MTSS1: variants seen among roughly 807,000 people sequenced by gnomAD.
MTSS1 encodes the protein protein MTSS 1.
In MTSS1, 18 loss-of-function variants were observed where a neutral mutation model predicts 79.0. The ratio of observed to expected loss-of-function variants is 0.23; its 90% CI spans 0.16 to 0.34. The LOEUF is 0.34. Ranked by LOEUF, MTSS1 falls within the 10% of genes least tolerant of loss-of-function variation. The pLI, the probability that MTSS1 is intolerant of heterozygous loss-of-function variation, is 1.00. For synonymous variants in MTSS1, 341 were observed against 368.6 expected (o/e 0.93, Z 0.86); for missense variants, 815 against 986.2 (o/e 0.83, Z 2.33).
At chr8:124,725,952 C>T (rs1833632379) in intron 1 of MTSS1, among the ~76,000 whole-genome samples, 1 of 151,622 alleles carries the variant, frequency 6.6e-6, no homozygotes, top group Admixed American at 6.6e-5. Flanking sequence ...TTCCACCTTG[C>T]TTTTAAAATT....
intron 3 of MTSS1, among the ~76,000 whole-genome samples, chr8:124,639,077 C>T (rs1037750779): frequency 6.6e-6 from 1 of 152,214 alleles, no homozygotes; most frequent in Non-Finnish European, 1.5e-5. Context: ...TGGCTCATGC[C>T]TGTAATCTCA....
At chr8:124,613,158 G>A (rs1563859871) in intron 3 of MTSS1, among the ~76,000 whole-genome samples, 1 of 152,184 alleles carries the variant, frequency 6.6e-6, no homozygotes. Flanking sequence ...CCACCGAACA[G>A]GAGTATACCA....
At chr8:124,616,742 C>CTAAG (rs1270204499) in intron 3 of MTSS1, among the ~76,000 whole-genome samples, 3 of 152,198 alleles carry the variant, frequency 2.0e-5, no homozygotes, top group African/African-American at 7.2e-5. Flanking sequence ...AGGGACAGAA[C>CTAAG]TAAGCCCTTC....
chr8:124,565,983 G>A, intron 8 of MTSS1: 4 of 348,554 alleles, frequency 1.1e-5, no homozygotes, highest in South Asian at 6.0e-5. Flanking sequence ...ATAGGGAGAA[G>A]GAAAGGAAGG....
chr8:124,710,457 C>A (rs1217015535), intron 1 of MTSS1, among the ~76,000 whole-genome samples: 2 of 150,800 alleles, frequency 1.3e-5, no homozygotes, highest in Non-Finnish European at 3.0e-5. Context: ...GTCTCCCCCA[C>A]CCCACCCTCA....
Position 124,727,494 on chromosome 8 carries a change from CA to C in MTSS1, c.72+389del, listed in dbSNP as rs1307977286. 1.7e-5 allele frequency: 8 copies of C among 459,116 alleles called. No homozygotes were observed. Among genetic ancestry groups the C allele is most frequent in the African/African-American group, 1.6e-4 (8 of 50,288 alleles). The allele number at this position is 459,116 out of a possible 1,614,324, so 28.4% of individuals were successfully genotyped here. A position where few individuals can be genotyped will look rare whatever the true frequency, so the allele number is the denominator to read the frequency against. The stretch of plus-strand genomic sequence containing the variant: ...TCCCCACCACCGCGCCAGGCGCCCC[CA>C]CCCCGTGCCCGGAGGAATCAGGTGT... On this transcript the variant is annotated intron_variant, in intron 1 of 13. Transcript: ENST00000518547. The surrounding 1 kb of genome is among the most constrained non-coding windows in gnomAD (Gnocchi z 4.7).
At chr8:124,595,349 A>T (rs1170956110) in intron 3 of MTSS1, among the ~76,000 whole-genome samples, 1 of 152,202 alleles carries the variant, frequency 6.6e-6, no homozygotes, top group Non-Finnish European at 1.5e-5. Flanking sequence ...GAAGTCCAAA[A>T]TCAGTTTCAC....
intron 6 of MTSS1, among the ~76,000 whole-genome samples, chr8:124,577,318 C>T (rs1304510306): frequency 1.3e-5 from 2 of 152,208 alleles, no homozygotes; most frequent in African/African-American, 2.4e-5. Flanking sequence ...GGAGCGATCT[C>T]GGCTCACTGC....
chr8:124,575,842 A>C (rs1202422985), intron 6 of MTSS1, among the ~76,000 whole-genome samples: 3 of 152,214 alleles, frequency 2.0e-5, no homozygotes, highest in Non-Finnish European at 4.4e-5. Flanking sequence ...TCACGGCTCC[A>C]AAATGCTTCT....
intron 3 of MTSS1, among the ~76,000 whole-genome samples, chr8:124,611,000 A>G (rs1835693890): frequency 6.6e-6 from 1 of 152,004 alleles, no homozygotes; most frequent in African/African-American, 2.4e-5. Context: ...TCCATGAACC[A>G]TGTGGAAGGC....
intron 3 of MTSS1, among the ~76,000 whole-genome samples, chr8:124,658,222 G>C (rs1170415746): frequency 2.6e-5 from 4 of 152,172 alleles, no homozygotes; most frequent in Non-Finnish European, 4.4e-5. Flanking sequence ...TGTATTGTGG[G>C]AAGGACCAGG....
chr8:124,648,714 C>CA (rs1554694566), intron 3 of MTSS1, among the ~76,000 whole-genome samples: 3 of 151,978 alleles, frequency 2.0e-5, no homozygotes, highest in African/African-American at 7.3e-5. Flanking sequence ...TAGCAGCCCC[C>CA]CCCCAGATAC....
chr8:124,721,142 C>T (rs900129478), intron 1 of MTSS1, among the ~76,000 whole-genome samples: 6 of 152,200 alleles, frequency 3.9e-5, no homozygotes, highest in Admixed American at 2.0e-4. Flanking sequence ...GCAACTGTTC[C>T]GTACGGTAGC....
rs766709048 is a variant in MTSS1 at position 124,556,389 on chromosome 8, C to T, written c.1247G>A (p.Gly416Glu). 6.8e-5 allele frequency: 110 copies of T among 1,613,158 alleles called. No individual in the cohort carries two copies. The highest frequency in any genetic ancestry group is 8.9e-5 in the Non-Finnish European group (105 of 1,179,488). ...IPSWKDWAKP[G>E]PYDQPLVNTL... ...GTTCACCAGAGGCTGGTCATAGGGC[C>T]CAGGCTTAGCCCAGTCCTATGCAAA... The change falls in exon 12 of 14, where the codon GGG becomes GAG. Residue 416 changes from glycine to glutamate, a missense_variant. Gly to Glu is a moderately conservative substitution (Grantham distance 98). Around this residue, in one of 2 missense-constraint regions of MTSS1, gnomAD observed 590 missense variants for 620.8 expected, o/e 0.95. Coordinates refer to ENST00000518547, the MANE Select transcript of MTSS1 (RefSeq NM_014751.6).
At chr8:124,578,416 T>C (rs1405461853) in intron 6 of MTSS1, among the ~76,000 whole-genome samples, 1 of 152,080 alleles carries the variant, frequency 6.6e-6, no homozygotes, top group Admixed American at 6.5e-5. Flanking sequence ...TGACCCCTCA[T>C]GCTCCTCCTC....
intron 3 of MTSS1, among the ~76,000 whole-genome samples, chr8:124,664,350 C>T (rs189094243): frequency 4.6e-5 from 7 of 152,340 alleles, no homozygotes; most frequent in Non-Finnish European, 8.8e-5. Flanking sequence ...TGCTCCTCTA[C>T]CACAGTGCCA....
rs376846942 is a variant in MTSS1, at chr8:124,645,524, G to A, written c.208+54002C>T. Among the ~76,000 whole-genome samples the A allele has an allele frequency of 9.2e-5, 14 of 152,280 alleles. No homozygotes were observed. The East Asian group carries it at 1.9e-3, about 21-fold the overall frequency. ...GATAAACTCAAATTATTCTTCCCAC[G>A]AGAATCCAAAGGACGCTGATTTGAG... is the stretch of plus-strand genomic sequence containing the variant. On this transcript the variant is annotated intron_variant, in intron 3 of 13. Transcript: ENST00000518547.
chr8:124,698,791 G>A (rs1216076550), intron 3 of MTSS1, among the ~76,000 whole-genome samples: 1 of 152,046 alleles, frequency 6.6e-6, no homozygotes, highest in Non-Finnish European at 1.5e-5. Flanking sequence ...CAAAGTGCTG[G>A]GATTACAGGC....
rs1040083838 is a variant in MTSS1 at position 124,683,968 on chromosome 8, T to C, written c.208+15558A>G. 6.6e-6 allele frequency among the ~76,000 whole-genome samples: 1 copy of C among 152,186 alleles called. No individual in the cohort carries two copies. The highest frequency in any genetic ancestry group is 2.4e-5 in the African/African-American group (1 of 41,450). On this transcript the variant is annotated intron_variant, in intron 3 of 13. Transcript: ENST00000518547. The surrounding 1 kb of genome is among the most constrained non-coding windows in gnomAD (Gnocchi z 4.5). ...CCATAGGATTCTCAAATACTGATCA[T>C]CTGAACAAATAGAATCTTGTATCTG...
Sources: gnomAD v4.1 joint callset for allele counts (sites outside exome capture counted in the v4.1 genomes callset) on GRCh38, gnomAD v4.1.1 for gene constraint, gnomAD v4.1.1 regional missense constraint, Gnocchi (gnomAD v3.1) non-coding constraint, MANE v1.5 for transcripts, NCBI Gene and HGNC (gene_info 2026-07-23, HGNC 2026-07-21) for gene names.